CPQ: variants seen among roughly 807,000 people sequenced by gnomAD.
The protein encoded by CPQ is Ser-Met dipeptidase.
CPQ carries 37 observed loss-of-function variants against 45.7 expected under a neutral mutation model. The ratio of observed to expected loss-of-function variants is 0.81; its 90% CI spans 0.62 to 1.07. The LOEUF (loss-of-function observed/expected upper bound fraction) is 1.07. Ranked by LOEUF, CPQ falls within the 50% of genes least tolerant of loss-of-function variation. CPQ has a pLI of 0.00. For synonymous variants in CPQ, 186 were observed against 205.8 expected (o/e 0.90, Z 0.82); for missense variants, 537 against 572.9 (o/e 0.94, Z 0.64).
intron 1 of CPQ, among the ~76,000 whole-genome samples, chr8:96,679,658 C>A (rs540959767): frequency 6.6e-6 from 1 of 151,938 alleles, no homozygotes; most frequent in African/African-American, 2.4e-5. Context: ...TTTATGTGAC[C>A]AGGAGTTATC....
chr8:96,970,909 G>C (rs907803643), intron 5 of CPQ, among the ~76,000 whole-genome samples: 1 of 152,136 alleles, frequency 6.6e-6, no homozygotes, highest in Non-Finnish European at 1.5e-5. Flanking sequence ...AACACTGCCA[G>C]TCTGTTTCTA....
At chr8:97,070,436 C>G (rs2130536079) in intron 7 of CPQ, among the ~76,000 whole-genome samples, 1 of 152,270 alleles carries the variant, frequency 6.6e-6, no homozygotes, top group Admixed American at 6.5e-5. Context: ...TGTTCCAGAG[C>G]TGTCGGTTTA....
At chr8:96,650,242 A>G (rs1815562611) in intron 1 of CPQ, among the ~76,000 whole-genome samples, 1 of 152,222 alleles carries the variant, frequency 6.6e-6, no homozygotes, top group Admixed American at 6.5e-5. Context: ...TAACAGGGAA[A>G]ATAAGATAAA....
intron 2 of CPQ, among the ~76,000 whole-genome samples, chr8:96,823,620 T>C (rs929793024): frequency 1.3e-5 from 2 of 152,032 alleles, no homozygotes; most frequent in Non-Finnish European, 1.5e-5. Flanking sequence ...TTTTATTTTC[T>C]TCAATGTAAT....
intron 7 of CPQ, among the ~76,000 whole-genome samples, chr8:97,106,647 G>A (rs547047659): frequency 3.2e-4 from 48 of 152,340 alleles, no homozygotes; most frequent in Non-Finnish European, 5.4e-4. Flanking sequence ...GAGATGTCAG[G>A]TAGAGAGTAT....
intron 6 of CPQ, among the ~76,000 whole-genome samples, chr8:97,057,189 T>C (rs575451443): frequency 6.6e-6 from 1 of 152,306 alleles, no homozygotes; most frequent in African/African-American, 2.4e-5. Context: ...AGTCACCCTA[T>C]CACTCAAGTT....
intron 1 of CPQ, among the ~76,000 whole-genome samples, chr8:96,761,756 G>C (rs574924739): frequency 2.6e-5 from 4 of 152,322 alleles, no homozygotes; most frequent in African/African-American, 9.6e-5. Context: ...ATGAGATAAT[G>C]TGATATTAAG....
chr8:96,823,338 T>C (rs1811335040), intron 2 of CPQ, among the ~76,000 whole-genome samples: 2 of 152,070 alleles, frequency 1.3e-5, no homozygotes, highest in South Asian at 2.1e-4. Flanking sequence ...TTTTTAATTA[T>C]ATAATTTTCT....
intron 5 of CPQ, among the ~76,000 whole-genome samples, chr8:97,002,099 G>C (rs948725195): frequency 7.2e-5 from 11 of 151,978 alleles, no homozygotes; most frequent in African/African-American, 2.7e-4. Context: ...TTTCTGTGGA[G>C]TCAGGGGTAA....
chr8:96,647,914 T>A (rs1451119858), intron 1 of CPQ, among the ~76,000 whole-genome samples: 2 of 152,110 alleles, frequency 1.3e-5, no homozygotes, highest in African/African-American at 2.4e-5. Context: ...GAACCATGAG[T>A]GCTAAGCAGT....
At chr8:96,946,716 G>A (rs576140369) in intron 4 of CPQ, among the ~76,000 whole-genome samples, 14 of 151,696 alleles carry the variant, frequency 9.2e-5, no homozygotes, top group South Asian at 6.2e-4. Flanking sequence ...GGGTCAGTAC[G>A]CCACTTAATC....
Position 96,835,073 on chromosome 8 carries a change from C to G in CPQ, c.534C>G (p.Ile178Met), listed in dbSNP as rs776460146. ...GKIVVYNQPYINYSRTVQYRT... is the reference protein window; with the variant it reads ...GKIVVYNQPYMNYSRTVQYRT... ...TTGTTGTTTATAACCAACCTTACAT[C>G]AACTACTCAAGGACGGTGCAATACC... The change falls in exon 3 of 8, where the codon ATC becomes ATG. Residue 178 changes from isoleucine to methionine, a missense_variant. By Grantham distance (10) the Ile-to-Met change is conservative (BLOSUM62 1). Coordinates refer to ENST00000220763, the MANE Select transcript of CPQ (RefSeq NM_016134.4). 1 of 1,613,376 alleles carries G rather than the reference C, an allele frequency of 6.2e-7. No individual in the cohort carries two copies. Among genetic ancestry groups the G allele is most frequent in the East Asian group, 2.2e-5 (1 of 44,808 alleles).
At chr8:96,737,760 C>A (rs1810007299) in intron 1 of CPQ, among the ~76,000 whole-genome samples, 1 of 151,996 alleles carries the variant, frequency 6.6e-6, no homozygotes. Flanking sequence ...AGGTTTAGCA[C>A]ATTAATTTTT....
At chr8:97,043,694 T>A (rs192141619) in intron 6 of CPQ, among the ~76,000 whole-genome samples, 1 of 152,206 alleles carries the variant, frequency 6.6e-6, no homozygotes, top group Non-Finnish European at 1.5e-5. Context: ...GGTGACAAAA[T>A]CTCTCATTTG....
At chr8:96,912,039 C>T (rs184905828) in intron 4 of CPQ, among the ~76,000 whole-genome samples, 58 of 152,234 alleles carry the variant, frequency 3.8e-4, no homozygotes, top group East Asian at 3.3e-3. Flanking sequence ...CTGTGAGGAT[C>T]GGATGAGCTA....
intron 1 of CPQ, among the ~76,000 whole-genome samples, chr8:96,770,703 T>C (rs1810531363): frequency 6.8e-6 from 1 of 147,606 alleles, no homozygotes; most frequent in Admixed American, 6.8e-5. Flanking sequence ...TGTTATTTTA[T>C]ATATATATAT....
intron 7 of CPQ, among the ~76,000 whole-genome samples, chr8:97,094,296 G>A (rs911846247): frequency 2.0e-5 from 3 of 152,040 alleles, no homozygotes; most frequent in African/African-American, 7.2e-5. Flanking sequence ...CACAGCTTTG[G>A]GAAAATCTCA....
chr8:96,688,768 A>G (rs1809268275), intron 1 of CPQ, among the ~76,000 whole-genome samples: 1 of 152,156 alleles, frequency 6.6e-6, no homozygotes, highest in African/African-American at 2.4e-5. Context: ...GATTGCTAGT[A>G]TATCAATTAG....
chr8:97,014,165 C>T (rs1229076298), intron 5 of CPQ, among the ~76,000 whole-genome samples: 3 of 151,984 alleles, frequency 2.0e-5, no homozygotes, highest in Non-Finnish European at 4.4e-5. Context: ...GCGATTGCAA[C>T]AATTCAAAGG....
Sources: gnomAD v4.1 joint callset for allele counts (sites outside exome capture counted in the v4.1 genomes callset) on GRCh38, gnomAD v4.1.1 for gene constraint, MANE v1.5 for transcripts, NCBI Gene and HGNC (gene_info 2026-07-23, HGNC 2026-07-21) for gene names.